ARHGAP29: variants seen among roughly 807,000 people sequenced by gnomAD.
The protein encoded by ARHGAP29 is rho GTPase-activating protein 29.
ARHGAP29 carries 43 observed loss-of-function variants against 122.6 expected under a neutral mutation model. That is an observed-to-expected ratio of 0.35 (90% confidence interval 0.27 to 0.45). The LOEUF (loss-of-function observed/expected upper bound fraction) is 0.45. Among genes scored for constraint, ARHGAP29 ranks in the 20% least tolerant of loss-of-function variants. The pLI, the probability that ARHGAP29 is intolerant of heterozygous loss-of-function variation, is 1.00. For synonymous variants in ARHGAP29, 506 were observed against 497.1 expected (o/e 1.02, Z -0.24); for missense variants, 1,303 against 1,477.2 (o/e 0.88, Z 1.93).
At chr1:94,297,428 A>G in the ARHGAP29 span, among the ~76,000 whole-genome samples, 1 of 152,244 alleles carries the variant, frequency 6.6e-6, no homozygotes. Context: ...TTGAGCACTT[A>G]TGTGAGCTGG....
intron 3 of ARHGAP29, among the ~76,000 whole-genome samples, chr1:94,217,721 C>A (rs1652032677): frequency 6.6e-6 from 1 of 151,916 alleles, no homozygotes; most frequent in Admixed American, 6.6e-5. Context: ...TGACAGCTCA[C>A]ATCTGTAGCC....
chr1:94,250,871 G>T (rs778370069), intron 1 of ARHGAP29, among the ~76,000 whole-genome samples: 34 of 152,128 alleles, frequency 2.2e-4, no homozygotes, highest in Non-Finnish European at 4.1e-4. Context: ...AAACCTCTGT[G>T]CTTGAGCCAT....
At chr1:94,289,611 T>A in the ARHGAP29 span, among the ~76,000 whole-genome samples, 1 of 152,252 alleles carries the variant, frequency 6.6e-6, no homozygotes, top group Non-Finnish European at 1.5e-5. Flanking sequence ...CCATTCAGTA[T>A]GATATTGGCT....
chr1:94,276,913 C>G (rs797011250), upstream of ARHGAP29, among the ~76,000 whole-genome samples: 2 of 150,384 alleles, frequency 1.3e-5, no homozygotes, highest in African/African-American at 4.9e-5. Flanking sequence ...TAAAATGTAT[C>G]ACCTGGCTTC....
intron 11 of ARHGAP29, 145 bp downstream of exon 11, chr1:94,202,399 C>T (rs1650902442): frequency 1.1e-6 from 1 of 920,360 alleles, no homozygotes; most frequent in Admixed American, 2.7e-5. Flanking sequence ...TGTTGACCTA[C>T]TGAATGAGAA....
At chr1:94,302,131 A>G in the ARHGAP29 span, 1 of 273,984 alleles carries the variant, frequency 3.6e-6, no homozygotes, top group Non-Finnish European at 7.1e-6. Flanking sequence ...GGATATCATC[A>G]CCATCAATGA....
chr1:94,268,934 A>T (rs34887407), intron 1 of ARHGAP29, among the ~76,000 whole-genome samples: 1 of 152,196 alleles, frequency 6.6e-6, no homozygotes, highest in African/African-American at 2.4e-5. Flanking sequence ...ATATATACAC[A>T]CATTATACAT....
At chr1:94,285,974 C>T in the ARHGAP29 span, among the ~76,000 whole-genome samples, 1 of 150,762 alleles carries the variant, frequency 6.6e-6, no homozygotes, top group Admixed American at 6.6e-5. Context: ...TTTGAAAGAA[C>T]ATGACTTGTT....
intron 12 of ARHGAP29, among the ~76,000 whole-genome samples, chr1:94,196,931 A>G (rs1184349189): frequency 6.6e-6 from 1 of 152,192 alleles, no homozygotes; most frequent in African/African-American, 2.4e-5. Context: ...AGAAAAGCAC[A>G]GGAAGGTCTC....
the ARHGAP29 span, among the ~76,000 whole-genome samples, chr1:94,300,047 T>G: frequency 9.2e-5 from 14 of 152,292 alleles, no homozygotes; most frequent in East Asian, 2.5e-3. Context: ...CATATGCCAG[T>G]GTGCAGCAGA....
At chr1:94,210,059 TTTC>T (rs1447601624) in intron 3 of ARHGAP29, among the ~76,000 whole-genome samples, 4 of 152,204 alleles carry the variant, frequency 2.6e-5, no homozygotes, top group African/African-American at 7.2e-5. Context: ...CTGAAAAAGA[TTTC>T]TTATTTTAAC....
intron 1 of ARHGAP29, among the ~76,000 whole-genome samples, chr1:94,257,066 G>A (rs1023956770): frequency 3.9e-5 from 6 of 152,016 alleles, no homozygotes; most frequent in Admixed American, 3.9e-4. Flanking sequence ...ATTGATTTAT[G>A]ATCCTCTCAA....
chr1:94,296,614 G>T, the ARHGAP29 span, among the ~76,000 whole-genome samples: 2 of 152,148 alleles, frequency 1.3e-5, no homozygotes, highest in African/African-American at 4.8e-5. Context: ...CAAGTACCTT[G>T]CTGGGGCTTC....
chr1:94,187,712 T>C (rs1649892945), intron 15 of ARHGAP29, among the ~76,000 whole-genome samples: 1 of 152,184 alleles, frequency 6.6e-6, no homozygotes, highest in South Asian at 2.1e-4. Flanking sequence ...TGAAGTCTTA[T>C]GGGATCCTAA....
chr1:94,191,181 GA>G (rs1650111403), intron 12 of ARHGAP29: 1 of 152,176 alleles, frequency 6.6e-6, no homozygotes, highest in African/African-American at 2.4e-5. Context: ...CAAGGTGTCT[GA>G]ATTTAAGAGC....
rs374917504 is a variant in ARHGAP29, at chr1:94,189,284, A to G, written c.1508T>C (p.Val503Ala). The G allele has an allele frequency of 6.2e-7, 1 of 1,613,202 alleles. No homozygotes were observed. Among genetic ancestry groups the G allele is most frequent in the Non-Finnish European group, 8.5e-7 (1 of 1,179,504 alleles). ...GFGPANSLEDVVRLPDSSNKI... is the reference protein window; with the variant it reads ...GFGPANSLEDAVRLPDSSNKI... ...ATTAGAACTGTCAGGAAGGCGTACA[A>G]CATCCTCTAAAGAGTTGGCAGGTCC... Residue 503 changes from valine to alanine, a missense_variant, in exon 14 of 23, where the codon GTT becomes GCT. Coordinates refer to ENST00000260526, the MANE Select transcript of ARHGAP29 (RefSeq NM_004815.4).
chr1:94,282,271 A>G, the ARHGAP29 span, among the ~76,000 whole-genome samples: 1 of 145,728 alleles, frequency 6.9e-6, no homozygotes, highest in Non-Finnish European at 1.5e-5. Context: ...TTATTTATTT[A>G]TTTATTTATT....
At chr1:94,272,455 C>A (rs145399372) in intron 1 of ARHGAP29, among the ~76,000 whole-genome samples, 20 of 152,252 alleles carry the variant, frequency 1.3e-4, no homozygotes, top group Admixed American at 2.6e-4. Flanking sequence ...TTCTGGATAA[C>A]CAGGTGCAAG....
At chr1:94,255,992 C>G (rs996821460) in intron 1 of ARHGAP29, among the ~76,000 whole-genome samples, 2 of 152,164 alleles carry the variant, frequency 1.3e-5, no homozygotes, top group Non-Finnish European at 2.9e-5. Context: ...GTACACAAAG[C>G]TCTGCTACAC....
Sources: gnomAD v4.1 joint callset for allele counts (sites outside exome capture counted in the v4.1 genomes callset) on GRCh38, gnomAD v4.1.1 for gene constraint, MANE v1.5 for transcripts, NCBI Gene and HGNC (gene_info 2026-07-23, HGNC 2026-07-21) for gene names.